Variants in SYT9 observed in about 807,000 individuals in gnomAD.
The protein encoded by SYT9 is synaptotagmin 9.
SYT9 carries 22 observed loss-of-function variants against 48.4 expected under a neutral mutation model. The observed-to-expected ratio is 0.45, with a 90% CI of 0.32 to 0.65. The LOEUF is 0.65. SYT9 is among the 30% of genes least tolerant of loss of function. The pLI is 0.03. For missense variants in SYT9, 577 were observed against 622.0 expected, an observed-to-expected ratio of 0.93 and a Z score of 0.77; for synonymous variants, 265 against 245.0, an observed-to-expected ratio of 1.08 and a Z score of -0.76.
At position 7,350,680 on chromosome 11, in the gene SYT9, C is replaced by T. The variant is rs754294000; in HGVS notation, c.1044+36739C>T. Among the ~76,000 whole-genome samples the T allele has an allele frequency of 8.5e-5, 13 of 152,298 alleles. No homozygotes were observed. In the South Asian group the frequency reaches 1.2e-3, roughly 15 times the overall value. ...TCTTTCAGGTCCAATCTCTTCTCCT[C>T]TCAATGCCCACTGCCACAGCTCCTT... On this transcript the variant is annotated intron_variant, in intron 3 of 6. Coordinates refer to ENST00000318881, the MANE Select transcript of SYT9 (RefSeq NM_175733.4).
chr11:7,394,987 G>C (rs533135226), intron 3 of SYT9, among the ~76,000 whole-genome samples: 1 of 152,154 alleles, frequency 6.6e-6, no homozygotes, highest in South Asian at 2.1e-4. Context: ...ATGTGGTTTT[G>C]AGAGTTCTTC....
intron 3 of SYT9, among the ~76,000 whole-genome samples, chr11:7,390,793 T>C (rs934377990): frequency 6.6e-6 from 1 of 152,170 alleles, no homozygotes; most frequent in East Asian, 1.9e-4. Flanking sequence ...ATATAGTCCT[T>C]TGCAAAAATC....
intron 1 of SYT9, among the ~76,000 whole-genome samples, chr11:7,269,375 A>G (rs1397284566): frequency 6.6e-6 from 1 of 152,172 alleles, no homozygotes; most frequent in Non-Finnish European, 1.5e-5. Flanking sequence ...TAATCATTTT[A>G]TCATCAGAAT....
At chr11:7,365,124 C>T (rs1201315969) in intron 3 of SYT9, among the ~76,000 whole-genome samples, 5 of 151,844 alleles carry the variant, frequency 3.3e-5, no homozygotes, top group African/African-American at 1.2e-4. Flanking sequence ...GACTGCAAGG[C>T]TTATGAAATG....
intron 1 of SYT9, among the ~76,000 whole-genome samples, chr11:7,239,580 C>T (rs1279656436): frequency 6.6e-6 from 1 of 152,106 alleles, no homozygotes; most frequent in Non-Finnish European, 1.5e-5. Flanking sequence ...AAGGTGGCTA[C>T]ATTAAAAAAT....
intron 1 of SYT9, among the ~76,000 whole-genome samples, chr11:7,292,815 G>A (rs1848717422): frequency 6.6e-6 from 1 of 152,200 alleles, no homozygotes; most frequent in African/African-American, 2.4e-5. Flanking sequence ...TTCCAATTAT[G>A]TGGGTGTAAA....
At chr11:7,271,778 G>A (rs891543361) in intron 1 of SYT9, among the ~76,000 whole-genome samples, 15 of 152,000 alleles carry the variant, frequency 9.9e-5, no homozygotes, top group African/African-American at 2.2e-4. Context: ...GGGTTTCGCC[G>A]TGTTAGCCAG....
chr11:7,331,232 A>ATTTTTATTTATTATTTTATTT (rs1315107007), intron 3 of SYT9, among the ~76,000 whole-genome samples: 1 of 84,754 alleles, frequency 1.2e-5, no homozygotes, highest in Non-Finnish European at 2.5e-5. Context: ...GATTTTTTAT[A>ATTTTTATTTATTATTTTATTT]TTGAGGACCA....
chr11:7,310,393 C>T (rs1849110648), intron 2 of SYT9, among the ~76,000 whole-genome samples: 3 of 151,396 alleles, frequency 2.0e-5, no homozygotes, highest in Admixed American at 6.6e-5. Flanking sequence ...CTTGGCCTCC[C>T]AAAATGCTGA....
intron 3 of SYT9, among the ~76,000 whole-genome samples, chr11:7,399,912 T>C (rs1336792472): frequency 2.0e-5 from 3 of 152,252 alleles, no homozygotes; most frequent in Non-Finnish European, 4.4e-5. Flanking sequence ...AAACATTTTA[T>C]ACCAGTAGCT....
At chr11:7,419,190 TG>T (rs1847304626) in intron 5 of SYT9, among the ~76,000 whole-genome samples, 1 of 152,236 alleles carries the variant, frequency 6.6e-6, no homozygotes, top group African/African-American at 2.4e-5. Flanking sequence ...CCACCAACTG[TG>T]GAAGCCTAGG....
chr11:7,256,999 A>G (rs1362807204), intron 1 of SYT9, among the ~76,000 whole-genome samples: 1 of 152,188 alleles, frequency 6.6e-6, no homozygotes, highest in African/African-American at 2.4e-5. Context: ...GAAAAAACAA[A>G]CAACAGCAAC....
At chr11:7,258,833 C>T (rs1848026016) in intron 1 of SYT9, among the ~76,000 whole-genome samples, 1 of 152,002 alleles carries the variant, frequency 6.6e-6, no homozygotes, top group Non-Finnish European at 1.5e-5. Context: ...TATGTTTTAC[C>T]ATTTGTAATT....
At chr11:7,380,922 C>T (rs961301601) in intron 3 of SYT9, among the ~76,000 whole-genome samples, 6 of 152,154 alleles carry the variant, frequency 3.9e-5, no homozygotes, top group African/African-American at 1.4e-4. Flanking sequence ...CCTTATTGAT[C>T]TTACCTATCT....
chr11:7,243,680 C>T (rs900900606), intron 1 of SYT9, among the ~76,000 whole-genome samples: 36 of 152,156 alleles, frequency 2.4e-4, no homozygotes, highest in African/African-American at 8.4e-4. Context: ...CGACCTGCTC[C>T]AGATTCATTT....
intron 3 of SYT9, among the ~76,000 whole-genome samples, chr11:7,330,919 A>C (rs558385568): frequency 1.3e-5 from 2 of 151,054 alleles, no homozygotes; most frequent in East Asian, 2.0e-4. Flanking sequence ...CTGGTCTTGA[A>C]CTCCTGACCT....
At chr11:7,312,688 A>G (rs1849162488) in intron 2 of SYT9, among the ~76,000 whole-genome samples, 1 of 152,220 alleles carries the variant, frequency 6.6e-6, no homozygotes, top group Admixed American at 6.5e-5. Flanking sequence ...CATTTATAGT[A>G]GCTCATCTTT....
At chr11:7,437,134 G>T (rs979676241) in intron 6 of SYT9, among the ~76,000 whole-genome samples, 10 of 152,154 alleles carry the variant, frequency 6.6e-5, no homozygotes, top group African/African-American at 2.4e-4. Flanking sequence ...TTGTTCTATT[G>T]TAGTGCTTAA....
At chr11:7,371,645 AT>A (rs1454393657) in intron 3 of SYT9, among the ~76,000 whole-genome samples, 1 of 152,140 alleles carries the variant, frequency 6.6e-6, no homozygotes, top group African/African-American at 2.4e-5. Context: ...GGTATAGAGC[AT>A]TTTCATCACC....
Sources: gnomAD v4.1 joint callset for allele counts (sites outside exome capture counted in the v4.1 genomes callset) on GRCh38, gnomAD v4.1.1 for gene constraint, MANE v1.5 for transcripts, NCBI Gene and HGNC (gene_info 2026-07-23, HGNC 2026-07-21) for gene names.